Variants in KIAA0825 observed in about 807,000 individuals in gnomAD.
KIAA0825 encodes KIAA0825, also known as uncharacterized protein KIAA0825.
KIAA0825 carries 119 observed loss-of-function variants against 147.6 expected under a neutral mutation model. That is an observed-to-expected ratio of 0.81 (90% CI 0.69 to 0.94). KIAA0825 has a LOEUF of 0.94. Ranked by LOEUF, KIAA0825 falls within the 40% of genes least tolerant of loss-of-function variation. KIAA0825 has a pLI of 0.00. For synonymous variants in KIAA0825, 470 were observed against 518.1 expected (o/e 0.91, Z 1.26); for missense variants, 1,381 against 1,472.7 (o/e 0.94, Z 1.02).
intron 13 of KIAA0825, among the ~76,000 whole-genome samples, chr5:94,442,496 C>G (rs1381439639): frequency 6.6e-6 from 1 of 152,112 alleles, no homozygotes; most frequent in South Asian, 2.1e-4. Flanking sequence ...ATTACTTTTG[C>G]AGATTAGTCT....
intron 1 of KIAA0825, among the ~76,000 whole-genome samples, chr5:94,588,234 C>T (rs1249123941): frequency 6.6e-6 from 1 of 152,126 alleles, no homozygotes; most frequent in African/African-American, 2.4e-5. Flanking sequence ...GCAAAAGAAA[C>T]TATCATCAGA....
chr5:94,581,178 C>T (rs1782101060), intron 2 of KIAA0825, among the ~76,000 whole-genome samples: 1 of 151,674 alleles, frequency 6.6e-6, no homozygotes, highest in South Asian at 2.1e-4. Flanking sequence ...GTGATAACAC[C>T]AACAAGATCA....
At chr5:94,453,350 T>C (rs1267508416) in intron 12 of KIAA0825, among the ~76,000 whole-genome samples, 1 of 150,950 alleles carries the variant, frequency 6.6e-6, no homozygotes, top group East Asian at 1.9e-4. Flanking sequence ...TTTTTTTTTT[T>C]TTTTTTTTTG....
chr5:94,362,765 A>T (rs1448203827), intron 20 of KIAA0825, among the ~76,000 whole-genome samples: 1 of 152,192 alleles, frequency 6.6e-6, no homozygotes, highest in African/African-American at 2.4e-5. Context: ...TGTTTGATGG[A>T]TGGAAGAATG....
At chr5:94,184,747 T>G (rs1420861371) in intron 20 of KIAA0825, among the ~76,000 whole-genome samples, 3 of 152,158 alleles carry the variant, frequency 2.0e-5, no homozygotes, top group African/African-American at 7.2e-5. Context: ...TTAAAAAATA[T>G]TAGGGTTTAA....
chr5:94,504,746 CTTTTTT>C (rs564291886), intron 5 of KIAA0825, among the ~76,000 whole-genome samples: 9,896 of 123,032 alleles, frequency 0.08, 1,127 homozygotes, highest in African/African-American at 0.27. Flanking sequence ...TTTTTCTTTT[CTTTTTT>C]TTTTTTTTTT....
intron 20 of KIAA0825, among the ~76,000 whole-genome samples, chr5:94,344,882 A>G (rs527827872): frequency 4.6e-5 from 7 of 152,230 alleles, no homozygotes; most frequent in Admixed American, 1.3e-4. Flanking sequence ...GTGACGGAAA[A>G]TAGCATGGTG....
At chr5:94,383,374 A>C (rs1452410325) in intron 20 of KIAA0825, among the ~76,000 whole-genome samples, 1 of 152,128 alleles carries the variant, frequency 6.6e-6, no homozygotes, top group Non-Finnish European at 1.5e-5. Context: ...CTCTCTTAGG[A>C]TATTTTCTTA....
chr5:94,594,466 GA>G, intron 1 of KIAA0825: 2 of 739,112 alleles, frequency 2.7e-6, no homozygotes, highest in Non-Finnish European at 2.5e-6. Flanking sequence ...TTGGAAGAAA[GA>G]AAAAAATCTC....
At chr5:94,252,199 A>G (rs1310406852) in intron 20 of KIAA0825, among the ~76,000 whole-genome samples, 3 of 152,046 alleles carry the variant, frequency 2.0e-5, no homozygotes, top group East Asian at 1.9e-4. Flanking sequence ...AATTATCTGC[A>G]TAATTATACA....
chr5:94,467,185 A>T (rs1760656758), intron 10 of KIAA0825, among the ~76,000 whole-genome samples: 1 of 152,228 alleles, frequency 6.6e-6, no homozygotes, highest in African/African-American at 2.4e-5. Context: ...AATATTTCAA[A>T]CAGGTCTTTG....
chr5:94,614,555 G>C (rs1214330038), intron 1 of KIAA0825, among the ~76,000 whole-genome samples: 1 of 152,076 alleles, frequency 6.6e-6, no homozygotes, highest in Non-Finnish European at 1.5e-5. Context: ...TAGCCAAAGT[G>C]ACCTAGGTAC....
chr5:94,538,433 A>G (rs980594833), intron 2 of KIAA0825, among the ~76,000 whole-genome samples: 7 of 152,220 alleles, frequency 4.6e-5, no homozygotes, highest in Non-Finnish European at 8.8e-5. Flanking sequence ...AAATGTGGTT[A>G]AGAGCTCTCT....
chr5:94,521,989 A>G (rs1768302280), intron 4 of KIAA0825, among the ~76,000 whole-genome samples: 2 of 151,794 alleles, frequency 1.3e-5, no homozygotes, highest in Admixed American at 1.3e-4. Context: ...CACTGTAAGC[A>G]CTGCAATGCC....
intron 20 of KIAA0825, among the ~76,000 whole-genome samples, chr5:94,162,112 T>G (rs945412244): frequency 6.6e-6 from 1 of 152,166 alleles, no homozygotes; most frequent in African/African-American, 2.4e-5. Flanking sequence ...TGCTTCGTCT[T>G]ATTTCTCAGC....
chr5:94,392,604 C>T (rs1750047027), intron 17 of KIAA0825, among the ~76,000 whole-genome samples: 2 of 152,114 alleles, frequency 1.3e-5, no homozygotes, highest in Non-Finnish European at 2.9e-5. Flanking sequence ...TCTTAAAACT[C>T]ATGGTTTTCC....
At chr5:94,490,578 T>C (rs1426754378) in intron 5 of KIAA0825, among the ~76,000 whole-genome samples, 1 of 152,018 alleles carries the variant, frequency 6.6e-6, no homozygotes, top group Non-Finnish European at 1.5e-5. Flanking sequence ...AAATAAAATA[T>C]ACTTTAGGAA....
intron 20 of KIAA0825, among the ~76,000 whole-genome samples, chr5:94,239,200 G>A (rs181571365): frequency 1.3e-5 from 2 of 152,254 alleles, no homozygotes; most frequent in South Asian, 2.1e-4. Context: ...ATCTTTGAAG[G>A]AGACTTGGAG....
intron 1 of KIAA0825, among the ~76,000 whole-genome samples, chr5:94,599,698 T>G (rs1028269334): frequency 3.9e-5 from 6 of 152,118 alleles, no homozygotes; most frequent in Non-Finnish European, 7.4e-5. Flanking sequence ...GTTTCAAAGA[T>G]TATCCACAAA....
Sources: allele counts gnomAD v4.1 joint callset (sites outside exome capture counted in the v4.1 genomes callset), GRCh38; gene constraint gnomAD v4.1.1; transcripts MANE v1.5; gene names NCBI Gene and HGNC (gene_info 2026-07-23, HGNC 2026-07-21).